The following SH2D4A variants were observed in gnomAD, a reference collection of about 807,000 sequenced individuals.
SH2D4A encodes the protein SH2 domain containing 4A.
In SH2D4A, 70 loss-of-function variants were observed where a neutral mutation model predicts 64.7. The ratio of observed to expected loss-of-function variants is 1.08; its 90% CI spans 0.89 to 1.32. SH2D4A has a LOEUF of 1.32. SH2D4A is among the 40% of genes most tolerant of loss of function. SH2D4A has a pLI of 0.00. For synonymous variants in SH2D4A, 268 were observed against 200.7 expected (o/e 1.34, Z -2.83); for missense variants, 706 against 540.1 (o/e 1.31, Z -3.04).
At chr8:19,332,795 G>C (rs1479256913) in intron 2 of SH2D4A, among the ~76,000 whole-genome samples, 160 bp from the exon 3 acceptor site, 1 of 151,296 alleles carries the variant, frequency 6.6e-6, no homozygotes, top group Non-Finnish European at 1.5e-5. Flanking sequence ...CACTGCCATT[G>C]CTACCTACAG....
chr8:19,349,691 A>G (rs188973466), intron 4 of SH2D4A, among the ~76,000 whole-genome samples: 3 of 152,372 alleles, frequency 2.0e-5, no homozygotes, highest in Non-Finnish European at 4.4e-5. Context: ...ATCAAATGAA[A>G]TAATATACAT....
intron 2 of SH2D4A, among the ~76,000 whole-genome samples, chr8:19,330,164 A>G (rs75750737): frequency 9.1e-4 from 139 of 152,258 alleles, no homozygotes; most frequent in African/African-American, 3.2e-3. Flanking sequence ...ATGAACTACT[A>G]CGAAGGCCTT....
intron 1 of SH2D4A, among the ~76,000 whole-genome samples, chr8:19,318,904 T>C (rs1483862632): frequency 6.6e-6 from 1 of 152,226 alleles, no homozygotes; most frequent in Non-Finnish European, 1.5e-5. Flanking sequence ...TGGGATGAGT[T>C]ACTCTGTGAC....
chr8:19,341,351 A>G (rs532500682), intron 4 of SH2D4A, among the ~76,000 whole-genome samples: 63 of 152,362 alleles, frequency 4.1e-4, no homozygotes, highest in Admixed American at 9.8e-4. Flanking sequence ...TGTATATGCA[A>G]GGCCCAACAT....
chr8:19,333,020 G>C lies in SH2D4A; in HGVS notation c.247G>C (p.Glu83Gln). 1.2e-6 allele frequency: 2 copies of C among 1,614,022 alleles called. No homozygotes were observed. Among genetic ancestry groups the C allele is most frequent in the Non-Finnish European group, 1.7e-6 (2 of 1,179,982 alleles). The stretch of plus-strand genomic sequence containing the variant: ...GGAAGTCTGGGTATGGGTGATGGGC[G>C]AACACCATCTAGATAAACCCTATGA... ...DKEVWVWVMGEHHLDKPYDVL... is the reference protein window; with the variant it reads ...DKEVWVWVMGQHHLDKPYDVL... The change falls in exon 3 of 10, where the codon GAA becomes CAA. Residue 83 changes from glutamate to glutamine, a missense_variant. Transcript: ENST00000265807.
At chr8:19,369,040 G>C (rs1037980559) in intron 7 of SH2D4A, among the ~76,000 whole-genome samples, 2 of 152,118 alleles carry the variant, frequency 1.3e-5, no homozygotes, top group African/African-American at 4.8e-5. Context: ...TTATCATGAA[G>C]GGATATTGAA....
intron 8 of SH2D4A, among the ~76,000 whole-genome samples, chr8:19,390,270 A>G (rs953721277): frequency 1.3e-5 from 2 of 152,156 alleles, no homozygotes; most frequent in Non-Finnish European, 2.9e-5. Context: ...AATCCCAGCT[A>G]CACAGGAGGC....
At chr8:19,376,398 G>C (rs906681516) in intron 8 of SH2D4A, among the ~76,000 whole-genome samples, 2 of 152,144 alleles carry the variant, frequency 1.3e-5, no homozygotes, top group African/African-American at 4.8e-5. Flanking sequence ...GAGGCAGGCG[G>C]ATCACTTGAG....
chr8:19,377,087 T>A (rs1194826880), intron 8 of SH2D4A, among the ~76,000 whole-genome samples: 1 of 152,136 alleles, frequency 6.6e-6, no homozygotes, highest in Non-Finnish European at 1.5e-5. Flanking sequence ...TCTTAAGAAG[T>A]AAAACTTGCC....
chr8:19,378,656 G>A (rs1418784499), intron 8 of SH2D4A, among the ~76,000 whole-genome samples: 1 of 151,962 alleles, frequency 6.6e-6, no homozygotes, highest in African/African-American at 2.4e-5. Flanking sequence ...GGCTGGTCTC[G>A]AACCCCTGAC....
At chr8:19,369,900 A>G (rs1279549134) in intron 7 of SH2D4A, among the ~76,000 whole-genome samples, 1 of 152,054 alleles carries the variant, frequency 6.6e-6, no homozygotes, top group Non-Finnish European at 1.5e-5. Context: ...GTACAACAAT[A>G]AAATTACTTA....
intron 5 of SH2D4A, 70 bp from the exon 6 acceptor site, chr8:19,361,133 G>A (rs938375556): frequency 2.3e-6 from 2 of 851,266 alleles, no homozygotes; most frequent in Non-Finnish European, 3.6e-6. Flanking sequence ...GGAAACTGCT[G>A]GATTTGCTCA....
At chr8:19,369,040 G>T (rs1037980559) in intron 7 of SH2D4A, among the ~76,000 whole-genome samples, 1 of 152,118 alleles carries the variant, frequency 6.6e-6, no homozygotes, top group Non-Finnish European at 1.5e-5. Flanking sequence ...TTATCATGAA[G>T]GGATATTGAA....
intron 6 of SH2D4A, among the ~76,000 whole-genome samples, chr8:19,362,834 A>G (rs529714414): frequency 6.6e-6 from 1 of 152,322 alleles, no homozygotes; most frequent in South Asian, 2.1e-4. Context: ...GGTTGCATAC[A>G]TTTTTAAAAT....
chr8:19,314,349 C>G (rs1056463439), intron 1 of SH2D4A, among the ~76,000 whole-genome samples: 7 of 152,088 alleles, frequency 4.6e-5, no homozygotes, highest in African/African-American at 1.7e-4. Context: ...TGGCGCAGCA[C>G]CCCCGCAGCA....
chr8:19,337,571 A>C (rs2052462867), intron 4 of SH2D4A, among the ~76,000 whole-genome samples: 1 of 152,146 alleles, frequency 6.6e-6, no homozygotes, highest in Non-Finnish European at 1.5e-5. Context: ...GTCTGTTTTC[A>C]TGCTGCTGAT....
chr8:19,351,812 C>G (rs945207750), intron 4 of SH2D4A, among the ~76,000 whole-genome samples: 1 of 152,066 alleles, frequency 6.6e-6, no homozygotes, highest in Non-Finnish European at 1.5e-5. Flanking sequence ...GAGATGGAGT[C>G]TTGCTCTGTC....
In SH2D4A at chr8:19,392,445, T is replaced by G. The variant is rs146250715; in HGVS notation, c.1049-873T>G. Among the ~76,000 whole-genome samples the G allele has an allele frequency of 5.1e-3, 774 of 152,200 alleles. 10 individuals are homozygous for G. Among genetic ancestry groups the G allele is most frequent in the African/African-American group, 0.018 (746 of 41,520 alleles). ...GCTGTTCTGTGTCTCATAGGCTGTTTAGCAACATCCCTGACCTCTAACCCC... is the reference window on the plus strand; with the variant it reads ...GCTGTTCTGTGTCTCATAGGCTGTTGAGCAACATCCCTGACCTCTAACCCC... On this transcript the variant is annotated intron_variant, in intron 8 of 9. Transcript: ENST00000265807.
At chr8:19,357,049 C>G (rs1425249774) in intron 4 of SH2D4A, among the ~76,000 whole-genome samples, 154 bp from the exon 5 acceptor site, 1 of 152,156 alleles carries the variant, frequency 6.6e-6, no homozygotes, top group Admixed American at 6.5e-5. Flanking sequence ...TAGTCAGGAT[C>G]GGCCCAGGAA....
Sources: allele counts gnomAD v4.1 joint callset (sites outside exome capture counted in the v4.1 genomes callset), GRCh38; gene constraint gnomAD v4.1.1; transcripts MANE v1.5; gene names NCBI Gene and HGNC (gene_info 2026-07-23, HGNC 2026-07-21).